The following PGM5 variants were observed in gnomAD, a reference collection of about 807,000 sequenced individuals.
PGM5 encodes phosphoglucomutase 5.
Under a neutral mutation model 59.2 loss-of-function variants are expected in PGM5, and 23 were observed. The ratio of observed to expected loss-of-function variants is 0.39; its 90% CI spans 0.28 to 0.55. The LOEUF is 0.55. Ranked by LOEUF, PGM5 falls within the 20% of genes least tolerant of loss-of-function variation. PGM5 has a pLI of 0.66. For synonymous variants in PGM5, 214 were observed against 286.0 expected (o/e 0.75, Z 2.54); for missense variants, 574 against 748.3 (o/e 0.77, Z 2.72).
chr9:68,482,890 G>T lies in PGM5; in HGVS notation c.1296-975G>T, dbSNP rs182069192. 4.5e-4 allele frequency among the ~76,000 whole-genome samples: 68 copies of T among 152,326 alleles called. No homozygotes were observed. The East Asian group carries it at 0.013, about 29-fold the overall frequency. Reference sequence around the variant, plus strand: ...AACCCCACAATGACAAATGCAATTGGTATTATTTTTAGTCTTTTATTTTAT... The same window carrying T: ...AACCCCACAATGACAAATGCAATTGTTATTATTTTTAGTCTTTTATTTTAT... On this transcript the variant is annotated intron_variant, in intron 8 of 10. Transcript: ENST00000396396.
At chr9:68,418,494 G>A (rs1261663051) in intron 6 of PGM5, among the ~76,000 whole-genome samples, 1 of 152,068 alleles carries the variant, frequency 6.6e-6, no homozygotes, top group Non-Finnish European at 1.5e-5. Context: ...TTGGAAATCA[G>A]ACTCTGTTAC....
chr9:68,387,132 A>AT (rs1166919647), intron 3 of PGM5, among the ~76,000 whole-genome samples: 1 of 151,596 alleles, frequency 6.6e-6, no homozygotes, highest in African/African-American at 2.4e-5. Context: ...TGCTGTGTGC[A>AT]TTTTTTTGGG....
rs532632919 is a variant in PGM5, at chr9:68,395,205, G to A, written c.1043+2732G>A. ...GAGGTTCACTTATTTCCCTTATCCA[G>A]TTTTTCCAATCCCATTTTTAAAAAA... On this transcript the variant is annotated intron_variant, in intron 6 of 10. Coordinates refer to ENST00000396396, the MANE Select transcript of PGM5 (RefSeq NM_021965.4). 4.6e-3 allele frequency among the ~76,000 whole-genome samples: 707 copies of A among 152,148 alleles called. 2 individuals are homozygous for A. The highest frequency in any genetic ancestry group is 0.015 in the African/African-American group (630 of 41,530).
intron 9 of PGM5, among the ~76,000 whole-genome samples, chr9:68,490,164 G>A (rs781937095): frequency 8.5e-5 from 13 of 152,124 alleles, no homozygotes; most frequent in Non-Finnish European, 1.9e-4. Context: ...TATGTACCTC[G>A]ATGCAACAAA....
chr9:68,380,652 A>C (rs1435176230), intron 2 of PGM5, among the ~76,000 whole-genome samples: 4 of 151,850 alleles, frequency 2.6e-5, no homozygotes, highest in Non-Finnish European at 2.9e-5. Context: ...AAATAAAATC[A>C]AAAGTTGGTT....
intron 6 of PGM5, among the ~76,000 whole-genome samples, chr9:68,455,082 C>T (rs1334865465): frequency 6.6e-6 from 1 of 152,206 alleles, no homozygotes; most frequent in Admixed American, 6.5e-5. Context: ...ATATGCTCGT[C>T]TTCTCGGAAC....
intron 6 of PGM5, among the ~76,000 whole-genome samples, chr9:68,447,438 G>C (rs1823631047): frequency 6.6e-6 from 1 of 152,134 alleles, no homozygotes; most frequent in Non-Finnish European, 1.5e-5. Flanking sequence ...GAGAGAGAGA[G>C]CTGGCTTTGA....
intron 6 of PGM5, among the ~76,000 whole-genome samples, chr9:68,425,167 A>G (rs782181379): frequency 6.6e-6 from 1 of 152,200 alleles, no homozygotes; most frequent in Non-Finnish European, 1.5e-5. Context: ...GCAAGCAAAA[A>G]CACAAGTTTA....
At chr9:68,466,275 T>G (rs577096964) in intron 7 of PGM5, 195 of 994,148 alleles carry the variant, frequency 2.0e-4, no homozygotes, top group East Asian at 3.9e-4. Flanking sequence ...TGTGTGTTTT[T>G]TTTTTTTTTT....
intron 10 of PGM5, among the ~76,000 whole-genome samples, chr9:68,524,884 G>A (rs1380378312): frequency 2.0e-5 from 3 of 152,188 alleles, no homozygotes; most frequent in Non-Finnish European, 4.4e-5. Context: ...GTGACCGTGG[G>A]TCAATCCTGT....
intron 10 of PGM5, among the ~76,000 whole-genome samples, chr9:68,504,333 T>C (rs1241012368): frequency 6.6e-6 from 1 of 152,192 alleles, no homozygotes; most frequent in African/African-American, 2.4e-5. Context: ...TAAAACATGT[T>C]AGACCACCTC....
At chr9:68,484,608 A>C (rs567801174) in intron 9 of PGM5, among the ~76,000 whole-genome samples, 8 of 151,858 alleles carry the variant, frequency 5.3e-5, no homozygotes, top group South Asian at 2.1e-4. Flanking sequence ...CAAAAAAAAA[A>C]ACAAAAGAAC....
Position 68,387,574 on chromosome 9 carries a change from A to G in PGM5, c.683A>G (p.Asp228Gly). ...CCCAGCCAACTGAAGATTCGCATTG[A>G]CGCAATGCACGGAGGTAAGCTTGTG... Reference protein sequence around the residue: ...TGPSQLKIRIDAMHGVMGPYV... With the variant: ...TGPSQLKIRIGAMHGVMGPYV... Residue 228 changes from aspartate (D) to glycine (G), a missense_variant, in exon 4 of 11, where the codon GAC becomes GGC. By Grantham distance (94) the Asp-to-Gly change is moderately conservative. Transcript: ENST00000396396. The G allele has an allele frequency of 6.2e-7, 1 of 1,611,960 alleles. No homozygotes were observed. Among genetic ancestry groups the G allele is most frequent in the Non-Finnish European group, 8.5e-7 (1 of 1,178,486 alleles).
In PGM5 at chr9:68,475,630, A is replaced by G. The variant is rs146482976; in HGVS notation, c.1160-3788A>G. Among the ~76,000 whole-genome samples, 13 of 152,308 alleles carry G rather than the reference A, an allele frequency of 8.5e-5. No individual in the cohort carries two copies. The East Asian group carries it at 2.3e-3, about 27-fold the overall frequency. On this transcript the variant is annotated intron_variant, in intron 7 of 10. Coordinates refer to ENST00000396396, the MANE Select transcript of PGM5 (RefSeq NM_021965.4). ...TTTCTATTTAAGTGATGAGTACACT[A>G]AAAGCCACTAGGCAATATATCCATG...
intron 6 of PGM5, chr9:68,402,516 G>C (rs1822699350): frequency 6.6e-6 from 1 of 152,198 alleles, no homozygotes; most frequent in Non-Finnish European, 1.5e-5. Flanking sequence ...TGGAATCACT[G>C]TTTACTGCTT....
chr9:68,376,787 T>TTCTTTCTTTCTC (rs1821903617), intron 1 of PGM5, among the ~76,000 whole-genome samples: 1 of 103,092 alleles, frequency 9.7e-6, no homozygotes, highest in African/African-American at 4.1e-5. Context: ...CTTTCTTTCT[T>TTCTTTCTTTCTC]TCTTTCTTTC....
intron 7 of PGM5, among the ~76,000 whole-genome samples, chr9:68,471,123 G>A (rs1426565180): frequency 6.6e-6 from 1 of 152,156 alleles, no homozygotes; most frequent in Non-Finnish European, 1.5e-5. Flanking sequence ...AGGGAGTGTT[G>A]TGTGACACCT....
At chr9:68,511,697 T>C (rs1824754172) in intron 10 of PGM5, among the ~76,000 whole-genome samples, 2 of 151,720 alleles carry the variant, frequency 1.3e-5, no homozygotes, top group African/African-American at 4.8e-5. Flanking sequence ...ACTACAGGCA[T>C]GCGTCACCAT....
At chr9:68,495,286 T>C (rs1824465110) in intron 9 of PGM5, among the ~76,000 whole-genome samples, 2 of 152,164 alleles carry the variant, frequency 1.3e-5, no homozygotes, top group Non-Finnish European at 2.9e-5. Flanking sequence ...CTAGGGAATA[T>C]ATAAGTAAGA....
Sources: gnomAD v4.1 joint callset for allele counts (sites outside exome capture counted in the v4.1 genomes callset) on GRCh38, gnomAD v4.1.1 for gene constraint, MANE v1.5 for transcripts, NCBI Gene and HGNC (gene_info 2026-07-23, HGNC 2026-07-21) for gene names.